The following MYL2 variants were observed in gnomAD, a reference collection of about 807,000 sequenced individuals.
MYL2 encodes myosin light chain 2, also known as myosin regulatory light chain 2, ventricular/cardiac muscle isoform.
In MYL2, 19 loss-of-function variants were observed where a neutral mutation model predicts 23.0. The observed-to-expected ratio is 0.83, with a 90% confidence interval of 0.58 to 1.21. The LOEUF is 1.21. Among genes scored for constraint, MYL2 ranks in the 50% most tolerant of loss-of-function variants. The pLI, the probability that MYL2 is intolerant of heterozygous loss-of-function variation, is 0.00. For missense variants in MYL2, 180 were observed against 215.1 expected, an observed-to-expected ratio of 0.84 and a Z score of 1.02; for synonymous variants, 78 against 76.2, an observed-to-expected ratio of 1.02 and a Z score of -0.13.
In MYL2 at chr12:110,913,098, C is replaced by A. The variant is rs2136770365; in HGVS notation, c.400G>T (p.Glu134Ter). 6.2e-7 allele frequency: 1 copy of A among 1,614,186 alleles called. No homozygotes were observed. The highest frequency in any genetic ancestry group is 1.1e-5 in the South Asian group (1 of 91,086). The change falls in exon 6 of 7, where the codon GAG (glutamate) becomes TAG (stop). Residue 134 changes from glutamate (E) to a stop codon, truncating the protein, a stop_gained and splice_region_variant. Transcript: ENST00000228841. LOFTEE classifies it high-confidence loss of function. ...GAGTGCTTGAAGGACCCCATTACCT[C>A]CTCCTTGGAAAACCTCTCCGCCTGC... is the stretch of plus-strand genomic sequence containing the variant. ...TTQAERFSKE[E>*]VDQMFAAFPP...
rs2071700284 is a variant in MYL2, at chr12:110,918,484, G to A, written c.93+620C>T. Among the ~76,000 whole-genome samples the A allele has an allele frequency of 6.6e-6, 1 of 152,154 alleles. No individual in the cohort carries two copies. Among genetic ancestry groups the A allele is most frequent in the Non-Finnish European group, 1.5e-5 (1 of 68,040 alleles). The stretch of plus-strand genomic sequence containing the variant: ...TGCTGTGATTTTGGGGGGCAATTCG[G>A]ACCAGCAGTTCTGCCTGTTTTTAGT... On this transcript the variant is annotated intron_variant, in intron 2 of 6. Coordinates refer to ENST00000228841, the MANE Select transcript of MYL2 (RefSeq NM_000432.4). This position sits in a 1 kb window ranked among gnomAD's most constrained non-coding sequence, Gnocchi z 4.4.
chr12:110,914,133 C>G (rs11065770), intron 4 of MYL2, 53 bp downstream of exon 4: 1 of 1,350,312 alleles, frequency 7.4e-7, no homozygotes. Context: ...CCAGCCCCCC[C>G]GAAGAAACAT....
intron 2 of MYL2, among the ~76,000 whole-genome samples, 194 bp from the exon 3 acceptor site, chr12:110,915,984 C>T (rs978302905): frequency 6.6e-6 from 1 of 152,126 alleles, no homozygotes; most frequent in Non-Finnish European, 1.5e-5. Flanking sequence ...ATCATATGAC[C>T]CAGACATTCC....
rs1292008699 is a variant in MYL2, at chr12:110,911,053, C to T, written c.*24G>A. 5 of 1,600,272 alleles carry T rather than the reference C, an allele frequency of 3.1e-6. No homozygotes were observed. The Admixed American group carries it at 5.0e-5, about 16-fold the overall frequency. On this transcript the variant is annotated 3_prime_UTR_variant, in exon 7 of 7. Transcript: ENST00000228841. ...AGGGACCACTCTGCAAAGACGAGCCCAGGGCGCAGCAGCGAGCCCCCTCCT... is the reference window on the plus strand; with the variant it reads ...AGGGACCACTCTGCAAAGACGAGCCTAGGGCGCAGCAGCGAGCCCCCTCCT...
chr12:110,914,153 C>G lies in MYL2; in HGVS notation c.274+33G>C, dbSNP rs777324975. ...CCCCCCGAAGAAACATAGACACATACACACAGACACACACACACACACACG... is the reference window on the plus strand; with the variant it reads ...CCCCCCGAAGAAACATAGACACATAGACACAGACACACACACACACACACG... On this transcript the variant is annotated intron_variant, in intron 4 of 6. Coordinates refer to ENST00000228841, the MANE Select transcript of MYL2 (RefSeq NM_000432.4). 4 of 1,478,050 alleles carry G rather than the reference C, an allele frequency of 2.7e-6. No individual in the cohort carries two copies. The South Asian group carries it at 4.5e-5, about 17-fold the overall frequency. 91.6% of individuals were successfully genotyped at this position (1,478,050 alleles called of 1,614,324 possible).
chr12:110,915,864 C>G (rs2428139), intron 2 of MYL2, 74 bp from the exon 3 acceptor site: 1 of 1,256,274 alleles, frequency 8.0e-7, no homozygotes, highest in Non-Finnish European at 1.2e-6. Flanking sequence ...GGGCCAAGGA[C>G]TTGGCAGGAG....
At chr12:110,917,013 C>A in intron 2 of MYL2, among the ~76,000 whole-genome samples, 1 of 152,010 alleles carries the variant, frequency 6.6e-6, no homozygotes, top group East Asian at 2.0e-4. Flanking sequence ...CAATGCCCAG[C>A]TTATTTTTCT....
chr12:110,910,946 T>G lies in MYL2; in HGVS notation c.*131A>C. 3 of 840,084 alleles carry G rather than the reference T, an allele frequency of 3.6e-6. No individual in the cohort carries two copies. Among genetic ancestry groups the G allele is most frequent in the Non-Finnish European group, 6.1e-6 (3 of 495,324 alleles). 52.0% of individuals were successfully genotyped at this position (840,084 alleles called of 1,614,324 possible). A position where few individuals can be genotyped will look rare whatever the true frequency, so the allele number is the denominator to read the frequency against. On this transcript the variant is annotated 3_prime_UTR_variant, in exon 7 of 7. Transcript: ENST00000228841. ...ATAGCCACCCAGGCTGCAAAGAAGA[T>G]GGAGGTGGATAAATGGGGCAGCCAC...
chr12:110,913,634 G>A (rs1476425334), intron 4 of MYL2, among the ~76,000 whole-genome samples: 2 of 152,222 alleles, frequency 1.3e-5, no homozygotes, highest in East Asian at 3.8e-4. Context: ...CTGTAAACTG[G>A]TGATAAGAAT....
Position 110,911,118 on chromosome 12 carries a change from T to G in MYL2, c.460A>C (p.Asn154His). Residue 154 changes from asparagine (N) to histidine (H), a missense_variant, in exon 7 of 7, where the codon AAC (asparagine) becomes CAC (histidine). Asn to His is a moderately conservative substitution (Grantham distance 68, BLOSUM62 1). Transcript: ENST00000228841. ...PDVTGNLDYK[N>H]LVHIITHGEE... Reference sequence around the variant, plus strand: ...CCGTGGGTGATGATGTGCACCAGGTTCTTGTAGTCCAAGTTGCCAGTCACG... The same window carrying G: ...CCGTGGGTGATGATGTGCACCAGGTGCTTGTAGTCCAAGTTGCCAGTCACG... 1 of 1,613,846 alleles carries G rather than the reference T, an allele frequency of 6.2e-7. No individual in the cohort carries two copies. Among genetic ancestry groups the G allele is most frequent in the Non-Finnish European group, 8.5e-7 (1 of 1,179,972 alleles).
In MYL2 at chr12:110,911,106, T is replaced by C. The variant is rs2071648139; in HGVS notation, c.472A>G (p.Ile158Val). ...TCCTTCTCTTCTCCGTGGGTGATGATGTGCACCAGGTTCTTGTAGTCCAAG... is the reference window on the plus strand; with the variant it reads ...TCCTTCTCTTCTCCGTGGGTGATGACGTGCACCAGGTTCTTGTAGTCCAAG... ...GNLDYKNLVH[I>V]ITHGEEKD is the part of the protein sequence containing the mutation. The change falls in exon 7 of 7, where the codon ATC (isoleucine) becomes GTC (valine). Residue 158 changes from isoleucine (I) to valine (V), a missense_variant. Transcript: ENST00000228841. 6.2e-7 allele frequency: 1 copy of C among 1,613,842 alleles called. No individual in the cohort carries two copies. Among genetic ancestry groups the C allele is most frequent in the African/African-American group, 1.3e-5 (1 of 74,856 alleles).
At position 110,918,537 on chromosome 12, in the gene MYL2, T is replaced by G. The variant is rs1205032086; in HGVS notation, c.93+567A>C. Among the ~76,000 whole-genome samples, 1 of 152,174 alleles carries G rather than the reference T, an allele frequency of 6.6e-6. No homozygotes were observed. The highest frequency in any genetic ancestry group is 1.5e-5 in the Non-Finnish European group (1 of 68,034). On this transcript the variant is annotated intron_variant, in intron 2 of 6. Transcript: ENST00000228841. This position sits in a 1 kb window ranked among gnomAD's most constrained non-coding sequence, Gnocchi z 4.4. ...TTTTGTTGTTGTTGTTTTAAGTTCC[T>G]TTGACCCAGCAGTTCTGCTTTTAGG...
rs113167834 is a variant in MYL2, at chr12:110,919,138, A to G, written c.59T>C (p.Met20Thr). 1 of 1,613,988 alleles carries G rather than the reference A, an allele frequency of 6.2e-7. No homozygotes were observed. The highest frequency in any genetic ancestry group is 8.5e-7 in the Non-Finnish European group (1 of 1,180,030). Residue 20 changes from methionine to threonine, a missense_variant, in exon 2 of 7, where the codon ATG becomes ACG. Met to Thr is a moderately conservative substitution (Grantham distance 81, BLOSUM62 -1). Transcript: ENST00000228841. ...AGGANSNVFS[M>T]FEQTQIQEFK... Reference sequence around the variant, plus strand: ...TTCCTGGATTTGGGTCTGTTCGAACATGGAGAACACGTTGGAGTTGGCGCC... The same window carrying G: ...TTCCTGGATTTGGGTCTGTTCGAACGTGGAGAACACGTTGGAGTTGGCGCC...
rs758158083 is a variant in MYL2 at position 110,913,147 on chromosome 12, G to A, written c.354-3C>T. 6.2e-7 allele frequency: 1 copy of A among 1,614,226 alleles called. No individual in the cohort carries two copies. Among genetic ancestry groups the A allele is most frequent in the East Asian group, 2.2e-5 (1 of 44,892 alleles). ...GCGTGGTCAGCATTTCCCGAACGCTGCAGAGAAAGGAAAGCAGGTGTTGGT... is the reference window on the plus strand; with the variant it reads ...GCGTGGTCAGCATTTCCCGAACGCTACAGAGAAAGGAAAGCAGGTGTTGGT... On this transcript the variant is annotated splice_region_variant and splice_polypyrimidine_tract_variant and intron_variant, in intron 5 of 6. Transcript: ENST00000228841.
In MYL2 at chr12:110,911,488, CAGTGCCGAT is replaced by C. The variant is rs1304031488; in HGVS notation, c.403-322_403-314del. Among the ~76,000 whole-genome samples, 4 of 152,360 alleles carry C rather than the reference CAGTGCCGAT, an allele frequency of 2.6e-5. No homozygotes were observed. The East Asian group carries it at 7.7e-4, about 29-fold the overall frequency. On this transcript the variant is annotated intron_variant, in intron 6 of 6. Transcript: ENST00000228841. ...ATAAGCTCCCTCCCTGGGTAGTCAGCAGTGCCGATCTTTGGGCCTAAATCTTGGCTCAAC... is the reference window on the plus strand; with the variant it reads ...ATAAGCTCCCTCCCTGGGTAGTCAGCCTTTGGGCCTAAATCTTGGCTCAAC...
intron 2 of MYL2, 78 bp from the exon 3 acceptor site, chr12:110,915,868 G>T: frequency 8.6e-7 from 1 of 1,161,140 alleles, no homozygotes; most frequent in Non-Finnish European, 1.3e-6. Flanking sequence ...CAAGGACTTG[G>T]CAGGAGTGGA....
chr12:110,912,709 C>T (rs2071661716), intron 6 of MYL2, among the ~76,000 whole-genome samples: 2 of 152,142 alleles, frequency 1.3e-5, no homozygotes, highest in South Asian at 4.1e-4. Flanking sequence ...GGAATACAGG[C>T]GTCCACCACC....
chr12:110,913,464 G>T lies in MYL2; in HGVS notation c.275-140C>A, dbSNP rs1056937634. 1.8e-5 allele frequency: 15 copies of T among 819,574 alleles called. No individual in the cohort carries two copies. In the Admixed American group the frequency reaches 2.2e-4, roughly 12 times the overall value. The allele number at this position is 819,574 out of a possible 1,614,324, so 50.8% of individuals were successfully genotyped here. ...CATGGAGGAAAAAGACCCTGCTTTCGTCTGATCACTGAGCCTCTGTATTTC... is the reference window on the plus strand; with the variant it reads ...CATGGAGGAAAAAGACCCTGCTTTCTTCTGATCACTGAGCCTCTGTATTTC... On this transcript the variant is annotated intron_variant, in intron 4 of 6. Transcript: ENST00000228841.
upstream of MYL2, among the ~76,000 whole-genome samples, chr12:110,921,083 G>A (rs1195261483): frequency 6.6e-6 from 1 of 152,238 alleles, no homozygotes; most frequent in African/African-American, 2.4e-5. Context: ...ATGAAGGCTG[G>A]CACTGTGGCT....
Sources: allele counts gnomAD v4.1 joint callset (sites outside exome capture counted in the v4.1 genomes callset), GRCh38; gene constraint gnomAD v4.1.1; non-coding constraint Gnocchi (gnomAD v3.1); transcripts MANE v1.5; gene names NCBI Gene and HGNC (gene_info 2026-07-23, HGNC 2026-07-21).